The following GLIS3 variants were observed in gnomAD, a reference collection of about 807,000 sequenced individuals.
The protein encoded by GLIS3 is zinc finger protein GLIS3.
GLIS3 carries 53 observed loss-of-function variants against 78.6 expected under a neutral mutation model. The observed-to-expected ratio is 0.67, with a 90% CI of 0.54 to 0.85. GLIS3 has a LOEUF of 0.85. Among genes scored for constraint, GLIS3 ranks in the 40% least tolerant of loss-of-function variants. The pLI, the probability that GLIS3 is intolerant of heterozygous loss-of-function variation, is 0.00. For synonymous variants in GLIS3, 684 were observed against 509.9 expected (o/e 1.34, Z -4.60); for missense variants, 1,703 against 1,231.1 (o/e 1.38, Z -5.74).
intron 4 of GLIS3, among the ~76,000 whole-genome samples, chr9:4,027,535 A>C (rs756956250): frequency 5.3e-5 from 8 of 152,142 alleles, no homozygotes; most frequent in Non-Finnish European, 7.4e-5. Flanking sequence ...TCTATTGTTC[A>C]GTTAATCTGT....
intron 1 of GLIS3, among the ~76,000 whole-genome samples, chr9:4,292,217 T>C (rs529578195): frequency 1.3e-5 from 2 of 152,290 alleles, no homozygotes; most frequent in East Asian, 1.9e-4. Context: ...ATGAAATTAA[T>C]TGTTCAACGG....
the GLIS3 span, among the ~76,000 whole-genome samples, chr9:4,477,404 G>T: frequency 6.8e-6 from 1 of 146,794 alleles, no homozygotes; most frequent in Non-Finnish European, 1.5e-5. Flanking sequence ...GGACATTAGT[G>T]TGTTTTGGGG....
intron 4 of GLIS3, among the ~76,000 whole-genome samples, chr9:3,944,180 A>G (rs1816131008): frequency 6.6e-6 from 1 of 152,238 alleles, no homozygotes; most frequent in South Asian, 2.1e-4. Flanking sequence ...TTCGGCTTAA[A>G]AAATGAAAAT....
At chr9:4,297,735 A>C (rs4415374) in intron 1 of GLIS3, among the ~76,000 whole-genome samples, 152,146 of 152,262 alleles carry the variant, frequency 1, 76,015 homozygotes, top group Non-Finnish European at 1. Context: ...ACCGGGGCAA[A>C]CTAGCGTGGG....
intron 4 of GLIS3, among the ~76,000 whole-genome samples, chr9:4,086,870 T>C (rs1283275337): frequency 1.3e-5 from 2 of 152,214 alleles, no homozygotes; most frequent in Non-Finnish European, 2.9e-5. Flanking sequence ...TGTTCTTCAG[T>C]TGTAGCATTC....
intron 2 of GLIS3, among the ~76,000 whole-genome samples, chr9:4,194,534 C>A (rs902564165): frequency 6.6e-6 from 1 of 152,176 alleles, no homozygotes; most frequent in Non-Finnish European, 1.5e-5. Context: ...TTTCAGCATG[C>A]CTCAGCCACT....
At chr9:4,437,412 G>GTATGTATA in the GLIS3 span, among the ~76,000 whole-genome samples, 1 of 82,126 alleles carries the variant, frequency 1.2e-5, no homozygotes. Context: ...CTGTATGTAT[G>GTATGTATA]TATGTATGTA....
At chr9:4,077,829 C>G (rs1828211149) in intron 4 of GLIS3, among the ~76,000 whole-genome samples, 1 of 152,210 alleles carries the variant, frequency 6.6e-6, no homozygotes, top group Admixed American at 6.5e-5. Flanking sequence ...CCAGAACCAG[C>G]CTCCTTAGCA....
chr9:4,458,283 A>C, the GLIS3 span, among the ~76,000 whole-genome samples: 2 of 152,212 alleles, frequency 1.3e-5, no homozygotes, highest in Non-Finnish European at 1.5e-5. Context: ...CATGGCATGC[A>C]TTGTTCTAGG....
the GLIS3 span, among the ~76,000 whole-genome samples, chr9:4,369,968 G>T: frequency 6.6e-6 from 1 of 152,116 alleles, no homozygotes; most frequent in Non-Finnish European, 1.5e-5. Context: ...GAGGCAGGCA[G>T]ATCACTTGAA....
chr9:4,157,452 C>T (rs1190609366), intron 2 of GLIS3, among the ~76,000 whole-genome samples: 3 of 152,140 alleles, frequency 2.0e-5, no homozygotes, highest in Non-Finnish European at 2.9e-5. Flanking sequence ...TGTTATTTAG[C>T]ATCCTTGGTC....
At chr9:4,080,421 C>T (rs1007726598) in intron 4 of GLIS3, among the ~76,000 whole-genome samples, 1 of 151,906 alleles carries the variant, frequency 6.6e-6, no homozygotes, top group Non-Finnish European at 1.5e-5. Context: ...TTAAAATAAT[C>T]AACATTAGTA....
chr9:4,191,329 A>G (rs897807160), intron 2 of GLIS3, among the ~76,000 whole-genome samples: 2 of 152,224 alleles, frequency 1.3e-5, no homozygotes, highest in Non-Finnish European at 2.9e-5. Context: ...TGTATTTTCA[A>G]CTGAGCATTT....
At position 4,118,117 on chromosome 9, in the gene GLIS3, G is replaced by A. The variant is rs772712111; in HGVS notation, c.1361C>T (p.Pro454Leu). ...GTAAGGGGGTGGGGGGCCTGGGGGC[G>A]GCGGCAGAGGAGGGAGCGGAGGCGC... ...PPAPPLPPLP[P>L]PPGPPPPYHA... Residue 454 changes from proline (P) to leucine (L), a missense_variant, in exon 4 of 11, where the codon CCG (proline) becomes CTG (leucine). Transcript: ENST00000381971. The surrounding 1 kb of genome is among the most constrained non-coding windows in gnomAD (Gnocchi z 4.7). The A allele has an allele frequency of 1.9e-5, 29 of 1,549,540 alleles. No homozygotes were observed. The highest frequency in any genetic ancestry group is 2.4e-5 in the Non-Finnish European group (27 of 1,147,646).
chr9:4,277,897 G>T (rs548279251), intron 2 of GLIS3, among the ~76,000 whole-genome samples: 2 of 152,048 alleles, frequency 1.3e-5, no homozygotes, highest in African/African-American at 2.4e-5. Flanking sequence ...CAATATAACC[G>T]GGATCCTTCA....
intron 8 of GLIS3, 131 bp from the exon 9 acceptor site, chr9:3,856,315 A>C: frequency 1.2e-6 from 1 of 838,028 alleles, no homozygotes; most frequent in Non-Finnish European, 2.0e-6. Context: ...TTTAAAAAAA[A>C]ATCTTTCAGG....
At chr9:4,380,159 G>A in the GLIS3 span, among the ~76,000 whole-genome samples, 3 of 152,146 alleles carry the variant, frequency 2.0e-5, no homozygotes, top group African/African-American at 4.8e-5. Context: ...GCTAGGAGAA[G>A]GAATTATAAT....
At chr9:4,239,179 A>G (rs1587100123) in intron 2 of GLIS3, among the ~76,000 whole-genome samples, 2 of 76,858 alleles carry the variant, frequency 2.6e-5, no homozygotes. Context: ...GGGTGGGGGG[A>G]GGGGGGAGGG....
At chr9:4,218,198 G>T (rs948096409) in intron 2 of GLIS3, among the ~76,000 whole-genome samples, 1 of 152,086 alleles carries the variant, frequency 6.6e-6, no homozygotes, top group Non-Finnish European at 1.5e-5. Flanking sequence ...GCGAGTCTTT[G>T]ATGATATTTA....
Sources: gnomAD v4.1 joint callset for allele counts (sites outside exome capture counted in the v4.1 genomes callset) on GRCh38, gnomAD v4.1.1 for gene constraint, Gnocchi (gnomAD v3.1) non-coding constraint, MANE v1.5 for transcripts, NCBI Gene and HGNC (gene_info 2026-07-23, HGNC 2026-07-21) for gene names.